Variants in ITPKC observed in about 807,000 individuals in gnomAD.
The protein encoded by ITPKC is inositol-trisphosphate 3-kinase C.
ITPKC carries 33 observed loss-of-function variants against 67.1 expected under a neutral mutation model. The ratio of observed to expected loss-of-function variants is 0.49; its 90% CI spans 0.37 to 0.66. ITPKC has a LOEUF of 0.66. Ranked by LOEUF, ITPKC falls within the 30% of genes least tolerant of loss-of-function variation. The pLI is 0.00. For missense variants in ITPKC, 820 were observed against 892.1 expected, an observed-to-expected ratio of 0.92 and a Z score of 1.03; for synonymous variants, 341 against 359.8, an observed-to-expected ratio of 0.95 and a Z score of 0.59.
chr19:40,732,498 T>TCC, intron 3 of ITPKC, among the ~76,000 whole-genome samples: 1 of 134,912 alleles, frequency 7.4e-6, no homozygotes, highest in African/African-American at 2.8e-5. Flanking sequence ...ACCATTCCAT[T>TCC]GCACTCTAGC....
At chr19:40,720,517 G>A (rs1023698124) in intron 1 of ITPKC, among the ~76,000 whole-genome samples, 3 of 152,000 alleles carry the variant, frequency 2.0e-5, no homozygotes, top group African/African-American at 7.3e-5. Context: ...CCTCCAGTGT[G>A]TAGATCTGTT....
chr19:40,719,738 G>T (rs1048716101), intron 1 of ITPKC, among the ~76,000 whole-genome samples: 8 of 151,984 alleles, frequency 5.3e-5, no homozygotes, highest in Admixed American at 5.2e-4. Flanking sequence ...TGATCCACCC[G>T]CCTCAGCCTC....
chr19:40,722,426 G>T (rs964394583), intron 1 of ITPKC, among the ~76,000 whole-genome samples: 1 of 152,134 alleles, frequency 6.6e-6, no homozygotes, highest in African/African-American at 2.4e-5. Flanking sequence ...CCCCAGGGCC[G>T]GCAGCTGGAT....
intron 3 of ITPKC, 88 bp downstream of exon 3, chr19:40,729,503 C>T (rs547154785): frequency 4.4e-4 from 511 of 1,149,408 alleles, no homozygotes; most frequent in Middle Eastern, 1.1e-3. Context: ...CGGTGGCTCA[C>T]GCCTGTAATC....
At position 40,717,710 on chromosome 19, in the gene ITPKC, C is replaced by G. The variant is rs1174018034; in HGVS notation, c.575C>G (p.Ala192Gly). The stretch of plus-strand genomic sequence containing the variant: ...CAGCCAGAGAGGGTCAAGTCCTGGG[C>G]TGATAACCTCTGGACCCACCAGAAC... ...QTQPERVKSWADNLWTHQNSS... is the reference protein window; with the variant it reads ...QTQPERVKSWGDNLWTHQNSS... The change falls in exon 1 of 7, where the codon GCT (alanine) becomes GGT (glycine). Residue 192 changes from alanine to glycine, a missense_variant. Coordinates refer to ENST00000263370, the MANE Select transcript of ITPKC (RefSeq NM_025194.3). 3 of 1,613,968 alleles carry G rather than the reference C, an allele frequency of 1.9e-6. No homozygotes were observed. In the South Asian group the frequency reaches 3.3e-5, roughly 18 times the overall value.
chr19:40,734,682 A>G (rs1165770414), intron 4 of ITPKC, among the ~76,000 whole-genome samples: 1 of 150,066 alleles, frequency 6.7e-6, no homozygotes, highest in Non-Finnish European at 1.5e-5. Flanking sequence ...AGTCTCAACT[A>G]ATTGCAACCT....
intron 4 of ITPKC, 55 bp from the exon 5 acceptor site, chr19:40,736,931 T>C: frequency 1.6e-6 from 2 of 1,235,360 alleles, no homozygotes; most frequent in Non-Finnish European, 1.2e-6. Context: ...TTGCTGGGTA[T>C]TGGGTGCGGG....
At chr19:40,735,569 T>C (rs1378336072) in intron 4 of ITPKC, among the ~76,000 whole-genome samples, 2 of 152,162 alleles carry the variant, frequency 1.3e-5, no homozygotes, top group African/African-American at 4.8e-5. Context: ...TTTCAAATTT[T>C]GCTTCCTCAG....
intron 4 of ITPKC, among the ~76,000 whole-genome samples, chr19:40,736,649 G>A (rs1040852798): frequency 1.3e-5 from 2 of 151,896 alleles, no homozygotes; most frequent in Non-Finnish European, 1.5e-5. Context: ...GATTACAGGC[G>A]CCCGCCACCA....
chr19:40,740,584 G>A lies in ITPKC; in HGVS notation c.*1024G>A, dbSNP rs772179922. Reference sequence around the variant, plus strand: ...TCCAAACCAAAGACTGTAGAACCCTGGGGTGTGGCTAACGGCCCCTCCAGC... The same window carrying A: ...TCCAAACCAAAGACTGTAGAACCCTAGGGTGTGGCTAACGGCCCCTCCAGC... On this transcript the variant is annotated 3_prime_UTR_variant, in exon 7 of 7. Coordinates refer to ENST00000263370, the MANE Select transcript of ITPKC (RefSeq NM_025194.3). 20 of 220,830 alleles carry A rather than the reference G, an allele frequency of 9.1e-5. No homozygotes were observed. Among genetic ancestry groups the A allele is most frequent in the Non-Finnish European group, 1.5e-4 (17 of 112,158 alleles). The allele number at this position is 220,830 out of a possible 1,614,324, so 13.7% of individuals were successfully genotyped here. A position where few individuals can be genotyped will look rare whatever the true frequency, so the allele number is the denominator to read the frequency against.
rs2082316166 is a variant in ITPKC at position 40,739,907 on chromosome 19, G to A, written c.*347G>A. ...GTCACAGGGTATGGTGTGACAGGGT[G>A]CCTGTGGACACATGAATCACTTCTA... On this transcript the variant is annotated 3_prime_UTR_variant, in exon 7 of 7. Coordinates refer to ENST00000263370, the MANE Select transcript of ITPKC (RefSeq NM_025194.3). 3.4e-6 allele frequency: 1 copy of A among 292,752 alleles called. No homozygotes were observed. Among genetic ancestry groups the A allele is most frequent in the Non-Finnish European group, 6.5e-6 (1 of 153,400 alleles). The allele number at this position is 292,752 out of a possible 1,614,324, so 18.1% of individuals were successfully genotyped here. A position where few individuals can be genotyped will look rare whatever the true frequency, so the allele number is the denominator to read the frequency against.
chr19:40,717,818 C>T lies in ITPKC; in HGVS notation c.683C>T (p.Thr228Ile), dbSNP rs1445359994. 1 of 1,614,132 alleles carries T rather than the reference C, an allele frequency of 6.2e-7. No homozygotes were observed. Among genetic ancestry groups the T allele is most frequent in the Non-Finnish European group, 8.5e-7 (1 of 1,180,022 alleles). Residue 228 changes from threonine (T) to isoleucine (I), a missense_variant, in exon 1 of 7, where the codon ACT becomes ATT. By Grantham distance (89) the Thr-to-Ile change is moderately conservative. This residue lies in a region of ITPKC where 481 missense variants were observed against 470.1 expected (regional missense o/e 1.02). Coordinates refer to ENST00000263370, the MANE Select transcript of ITPKC (RefSeq NM_025194.3). ...GATGGCTCCTGGAAAGAATTGTATA[C>T]TGATGGCTCCAGGACACAACAGGAT... is the stretch of plus-strand genomic sequence containing the variant. ...SADGSWKELYTDGSRTQQDIE... is the reference protein window; with the variant it reads ...SADGSWKELYIDGSRTQQDIE...
At chr19:40,720,272 C>G (rs967709268) in intron 1 of ITPKC, among the ~76,000 whole-genome samples, 8 of 151,534 alleles carry the variant, frequency 5.3e-5, no homozygotes, top group African/African-American at 1.9e-4. Context: ...GAGGCTGAGG[C>G]AGGAGAATCG....
intron 1 of ITPKC, 136 bp from the exon 2 acceptor site, chr19:40,725,204 C>T: frequency 4.6e-6 from 3 of 645,428 alleles, no homozygotes; most frequent in Non-Finnish European, 8.4e-6. Flanking sequence ...CCCAACAAGC[C>T]TGGGAACAGT....
chr19:40,725,121 CA>C (rs2082240419), intron 1 of ITPKC, among the ~76,000 whole-genome samples: 1 of 152,034 alleles, frequency 6.6e-6, no homozygotes, highest in African/African-American at 2.4e-5. Context: ...GAGAAATGGG[CA>C]AAGAATTTCC....
Position 40,721,202 on chromosome 19 carries a change from G to A in ITPKC, c.1155+2912G>A, listed in dbSNP as rs552309386. ...CATGAAAGAGACAGACCAATCAGCC[G>A]ACAGTCACAGTTCAGAGTGGTCAGG... On this transcript the variant is annotated intron_variant, in intron 1 of 6. Coordinates refer to ENST00000263370, the MANE Select transcript of ITPKC (RefSeq NM_025194.3). Among the ~76,000 whole-genome samples, 10 of 152,164 alleles carry A rather than the reference G, an allele frequency of 6.6e-5. No individual in the cohort carries two copies. The East Asian group carries it at 1.2e-3, about 18-fold the overall frequency.
At chr19:40,720,933 T>C (rs189665458) in intron 1 of ITPKC, among the ~76,000 whole-genome samples, 1 of 152,220 alleles carries the variant, frequency 6.6e-6, no homozygotes, top group East Asian at 1.9e-4. Context: ...TAAAATTGTG[T>C]TCTCTTTCTT....
intron 3 of ITPKC, among the ~76,000 whole-genome samples, chr19:40,730,539 C>G (rs556181415): frequency 3.9e-4 from 60 of 152,250 alleles, no homozygotes; most frequent in African/African-American, 1.4e-3. Flanking sequence ...TCAGGCGGTC[C>G]TTTCACCTTA....
Position 40,717,574 on chromosome 19 carries a change from A to C in ITPKC, c.439A>C (p.Thr147Pro), listed in dbSNP as rs770244114. 1.2e-6 allele frequency: 2 copies of C among 1,614,026 alleles called. No individual in the cohort carries two copies. Among genetic ancestry groups the C allele is most frequent in the South Asian group, 2.2e-5 (2 of 91,084 alleles). ...GGAGACCGGGACAGATGGCCTTTGG[A>C]CTGATCCGCACAGGTCCGACCTCCA... is the stretch of plus-strand genomic sequence containing the variant. Reference protein sequence around the residue: ...WTETGTDGLWTDPHRSDLQFQ... With the variant: ...WTETGTDGLWPDPHRSDLQFQ... Residue 147 changes from threonine to proline, a missense_variant, in exon 1 of 7, where the codon ACT becomes CCT. Coordinates refer to ENST00000263370, the MANE Select transcript of ITPKC (RefSeq NM_025194.3).
Sources: gnomAD v4.1 joint callset for allele counts (sites outside exome capture counted in the v4.1 genomes callset) on GRCh38, gnomAD v4.1.1 for gene constraint, gnomAD v4.1.1 regional missense constraint, MANE v1.5 for transcripts, NCBI Gene and HGNC (gene_info 2026-07-23, HGNC 2026-07-21) for gene names.